TAF2: variants seen among roughly 807,000 people sequenced by gnomAD.
TAF2 encodes transcription initiation factor TFIID subunit 2.
TAF2 carries 61 observed loss-of-function variants against 138.5 expected under a neutral mutation model. That is an observed-to-expected ratio of 0.44 (90% CI 0.36 to 0.54). The LOEUF (loss-of-function observed/expected upper bound fraction) is 0.54, where lower values mean the gene tolerates loss of function less well. Among genes scored for constraint, TAF2 ranks in the 20% least tolerant of loss-of-function variants. TAF2 has a pLI of 0.00. For synonymous variants in TAF2, 475 were observed against 469.9 expected, an observed-to-expected ratio of 1.01 and a Z score of -0.14; for missense variants, 1,090 against 1,427.9, an observed-to-expected ratio of 0.76 and a Z score of 3.81.
At chr8:119,741,997 T>G (rs909564744) in intron 25 of TAF2, among the ~76,000 whole-genome samples, 4 of 152,202 alleles carry the variant, frequency 2.6e-5, no homozygotes, top group Non-Finnish European at 5.9e-5. Flanking sequence ...CTGAATTAAA[T>G]TACTTTTCAC....
At position 119,806,360 on chromosome 8, in the gene TAF2, A is replaced by G; in HGVS notation, c.341T>C (p.Val114Ala). 2 of 1,614,184 alleles carry G rather than the reference A, an allele frequency of 1.2e-6. No individual in the cohort carries two copies. Among genetic ancestry groups the G allele is most frequent in the Non-Finnish European group, 1.7e-6 (2 of 1,180,018 alleles). The stretch of plus-strand genomic sequence containing the variant: ...TCCTGCATCAGGGTCCACAGCACTA[A>G]CTGCAGCTGCATAAGCATTGGAAAA... The part of the protein sequence containing the change: ...NYFSNAYAAA[V>A]SAVDPDAGNG... The change falls in exon 4 of 26, where the codon GTT (valine) becomes GCT (alanine). Residue 114 changes from valine (V) to alanine (A), a missense_variant. Transcript: ENST00000378164.
intron 2 of TAF2, among the ~76,000 whole-genome samples, chr8:119,822,722 G>T (rs1586544585): frequency 6.6e-6 from 1 of 152,082 alleles, no homozygotes; most frequent in Admixed American, 6.6e-5. Context: ...CTGACATTAT[G>T]AACTCAAAGG....
At chr8:119,757,893 C>T (rs1413297291) in intron 21 of TAF2, among the ~76,000 whole-genome samples, 180 bp downstream of exon 21, 2 of 150,446 alleles carry the variant, frequency 1.3e-5, no homozygotes, top group African/African-American at 4.9e-5. Flanking sequence ...GAGACTCCAT[C>T]TCAAAAAAAA....
intron 9 of TAF2, among the ~76,000 whole-genome samples, chr8:119,793,827 A>T (rs1823617215): frequency 1.4e-5 from 2 of 148,006 alleles, no homozygotes; most frequent in African/African-American, 5.0e-5. Flanking sequence ...GGAATCTATC[A>T]TTTTAAAACT....
intron 22 of TAF2, among the ~76,000 whole-genome samples, chr8:119,750,703 G>C (rs1421052782): frequency 6.6e-6 from 1 of 152,118 alleles, no homozygotes; most frequent in Admixed American, 6.5e-5. Context: ...ACAGAGCTTT[G>C]AAACCTTCTG....
At chr8:119,746,373 CAAAAAAAAAAAAAA>C (rs11392436) in intron 23 of TAF2, among the ~76,000 whole-genome samples, 1 of 54,322 alleles carries the variant, frequency 1.8e-5, no homozygotes, top group South Asian at 7.4e-4. Flanking sequence ...AACTCTGTCT[CAAAAAAAAAAAAAA>C]AAAAAAAAAA....
At chr8:119,769,639 A>T (rs1821684582) in intron 18 of TAF2, among the ~76,000 whole-genome samples, 1 of 152,040 alleles carries the variant, frequency 6.6e-6, no homozygotes, top group Admixed American at 6.5e-5. Context: ...AACTTCCAGA[A>T]ATGAAAAATT....
intron 24 of TAF2, among the ~76,000 whole-genome samples, chr8:119,744,076 C>G (rs1453862530): frequency 5.3e-5 from 8 of 152,136 alleles, no homozygotes; most frequent in Admixed American, 3.9e-4. Flanking sequence ...CAAGCAAATA[C>G]TTAAAAAGGA....
At chr8:119,751,448 T>G (rs1820346023) in intron 22 of TAF2, among the ~76,000 whole-genome samples, 1 of 152,236 alleles carries the variant, frequency 6.6e-6, no homozygotes, top group East Asian at 1.9e-4. Flanking sequence ...AATGTATTTA[T>G]CCTGCTGGAA....
intron 5 of TAF2, among the ~76,000 whole-genome samples, chr8:119,803,578 G>A (rs1824411106): frequency 1.3e-5 from 2 of 151,906 alleles, no homozygotes; most frequent in South Asian, 4.1e-4. Context: ...TGTAATACCA[G>A]CTACTTGGGA....
intron 3 of TAF2, among the ~76,000 whole-genome samples, chr8:119,807,589 T>C (rs931155138): frequency 6.6e-5 from 10 of 152,196 alleles, no homozygotes; most frequent in Admixed American, 6.5e-4. Context: ...AAGGTGAAAT[T>C]AGTGACATTC....
intron 18 of TAF2, among the ~76,000 whole-genome samples, chr8:119,771,288 T>C (rs1821815535): frequency 6.6e-6 from 1 of 151,682 alleles, no homozygotes; most frequent in African/African-American, 2.4e-5. Context: ...CAGGATGGAG[T>C]GCTGTGGTGC....
At chr8:119,807,447 G>C (rs931124043) in intron 3 of TAF2, among the ~76,000 whole-genome samples, 1 of 152,066 alleles carries the variant, frequency 6.6e-6, no homozygotes, top group African/African-American at 2.4e-5. Flanking sequence ...AAAAAAATAC[G>C]AAAGAAATGA....
At chr8:119,802,137 G>T in intron 5 of TAF2, 112 bp from the exon 6 acceptor site, 1 of 907,110 alleles carries the variant, frequency 1.1e-6, no homozygotes, top group Non-Finnish European at 1.7e-6. Context: ...AAAACCTTTA[G>T]CTATTTGGCT....
At chr8:119,757,657 G>A (rs991327533) in intron 21 of TAF2, among the ~76,000 whole-genome samples, 1 of 151,466 alleles carries the variant, frequency 6.6e-6, no homozygotes, top group Non-Finnish European at 1.5e-5. Flanking sequence ...GGAGGCCCAA[G>A]GGCCCAAGGG....
chr8:119,788,645 C>T (rs1823203456), intron 13 of TAF2, 145 bp downstream of exon 13: 2 of 798,752 alleles, frequency 2.5e-6, no homozygotes, highest in Admixed American at 2.2e-5. Context: ...TTCCTCTTCC[C>T]TTCTTTGACA....
At chr8:119,764,366 T>A (rs1025210267) in intron 18 of TAF2, among the ~76,000 whole-genome samples, 2 of 152,156 alleles carry the variant, frequency 1.3e-5, no homozygotes, top group African/African-American at 4.8e-5. Flanking sequence ...CACCTAACTA[T>A]AAAAACTGAT....
At chr8:119,801,183 G>T (rs1273806271) in intron 6 of TAF2, among the ~76,000 whole-genome samples, 2 of 152,096 alleles carry the variant, frequency 1.3e-5, no homozygotes, top group Non-Finnish European at 2.9e-5. Flanking sequence ...TAAATGAAAA[G>T]ATGTCATTAG....
At chr8:119,822,345 C>T (rs1183952385) in intron 2 of TAF2, among the ~76,000 whole-genome samples, 2 of 151,958 alleles carry the variant, frequency 1.3e-5, no homozygotes, top group Non-Finnish European at 2.9e-5. Flanking sequence ...CCTCAGCCTC[C>T]AGAGTAGCTG....
Sources: allele counts gnomAD v4.1 joint callset (sites outside exome capture counted in the v4.1 genomes callset), GRCh38; gene constraint gnomAD v4.1.1; transcripts MANE v1.5; gene names NCBI Gene and HGNC (gene_info 2026-07-23, HGNC 2026-07-21).